The following ZFP30 variants were observed in gnomAD, a reference collection of about 807,000 sequenced individuals.
ZFP30 encodes the protein ZFP30 zinc finger protein, also known as zinc finger protein 30 homolog.
ZFP30 carries 16 observed loss-of-function variants against 12.3 expected under a neutral mutation model. The observed-to-expected ratio is 1.30, with a 90% CI of 0.88 to 1.98. The LOEUF is 1.98. Among genes scored for constraint, ZFP30 ranks in the 30% most tolerant of loss-of-function variants. ZFP30 has a pLI of 0.00. For missense variants in ZFP30, 560 were observed against 611.2 expected, an observed-to-expected ratio of 0.92 and a Z score of 0.88; for synonymous variants, 172 against 201.0, an observed-to-expected ratio of 0.86 and a Z score of 1.22.
rs1004890553 is a variant in ZFP30, at chr19:37,632,503, ATT to A, written c.*2476_*2477del. Reference sequence around the variant, plus strand: ...CACAAAAAAACCAAGTCTACTTTTTATTGTTTATGCCAGCGCTGACAATAGAA... The same window carrying A: ...CACAAAAAAACCAAGTCTACTTTTTAGTTTATGCCAGCGCTGACAATAGAA... On this transcript the variant is annotated 3_prime_UTR_variant, in exon 6 of 6. Transcript: ENST00000684514. The A allele has an allele frequency of 6.6e-6, 1 of 152,160 alleles. No individual in the cohort carries two copies. Among genetic ancestry groups the A allele is most frequent in the African/African-American group, 2.4e-5 (1 of 41,450 alleles). 9.4% of individuals were successfully genotyped at this position (152,160 alleles called of 1,614,324 possible).
intron 4 of ZFP30, among the ~76,000 whole-genome samples, chr19:37,643,591 T>C (rs2147272387): frequency 6.6e-6 from 1 of 152,318 alleles, no homozygotes; most frequent in East Asian, 1.9e-4. Context: ...CTGCCTCTCT[T>C]TCCCATGTCA....
chr19:37,650,151 G>A (rs1215399997), intron 2 of ZFP30, among the ~76,000 whole-genome samples: 2 of 148,350 alleles, frequency 1.3e-5, no homozygotes, highest in Admixed American at 1.3e-4. Flanking sequence ...GCAGGCTTTT[G>A]CTCTGTCGCT....
chr19:37,642,219 T>C (rs181119458), intron 5 of ZFP30, among the ~76,000 whole-genome samples: 251 of 152,348 alleles, frequency 1.6e-3, no homozygotes, highest in Middle Eastern at 6.8e-3. Flanking sequence ...ATCTACTACC[T>C]ATTCATATAA....
rs1042406261 is a variant in ZFP30, at chr19:37,632,370, T to C, written c.*2611A>G. ...AGCAACTTATAACTTTAAAAATCCA[T>C]AGCTGTCACTTTTATCATTCATATA... On this transcript the variant is annotated 3_prime_UTR_variant, in exon 6 of 6. Coordinates refer to ENST00000684514, the MANE Select transcript of ZFP30 (RefSeq NM_001320669.3). The C allele has an allele frequency of 5.3e-5, 8 of 152,118 alleles. No individual in the cohort carries two copies. The highest frequency in any genetic ancestry group is 1.4e-4 in the African/African-American group (6 of 41,440). 9.4% of individuals were successfully genotyped at this position (152,118 alleles called of 1,614,324 possible).
chr19:37,649,299 T>A (rs1354839222), intron 2 of ZFP30, among the ~76,000 whole-genome samples: 2 of 151,246 alleles, frequency 1.3e-5, no homozygotes, highest in Middle Eastern at 6.9e-3. Flanking sequence ...CCTATCAGCT[T>A]ATCAGTCAAA....
chr19:37,650,894 C>T (rs564667155), intron 2 of ZFP30, among the ~76,000 whole-genome samples: 10 of 152,118 alleles, frequency 6.6e-5, no homozygotes, highest in Admixed American at 2.0e-4. Context: ...CACACCACCA[C>T]GCCCAGCTAA....
chr19:37,640,781 G>C (rs1013409808), intron 5 of ZFP30, among the ~76,000 whole-genome samples: 2 of 151,676 alleles, frequency 1.3e-5, no homozygotes, highest in Non-Finnish European at 2.9e-5. Context: ...AATAAAATAG[G>C]GAGCAAATTA....
intron 2 of ZFP30, among the ~76,000 whole-genome samples, chr19:37,649,955 A>G (rs760937462): frequency 5.3e-5 from 8 of 152,176 alleles, no homozygotes; most frequent in Non-Finnish European, 1.0e-4. Flanking sequence ...GTTAGAAAAT[A>G]TGATTGTAAT....
chr19:37,647,663 T>C lies in ZFP30; in HGVS notation c.9+151A>G. Reference sequence around the variant, plus strand: ...GAGAAGACAGGGGCACTTAGGAATCTGGCTGGCTCCATCCCGTGCTGGAAT... The same window carrying C: ...GAGAAGACAGGGGCACTTAGGAATCCGGCTGGCTCCATCCCGTGCTGGAAT... On this transcript the variant is annotated intron_variant, in intron 3 of 5. Coordinates refer to ENST00000684514, the MANE Select transcript of ZFP30 (RefSeq NM_001320669.3). The C allele has an allele frequency of 4.6e-6, 4 of 864,056 alleles. No homozygotes were observed. The South Asian group carries it at 4.7e-5, about 10-fold the overall frequency. The allele number at this position is 864,056 out of a possible 1,614,324, so 53.5% of individuals were successfully genotyped here. A position where few individuals can be genotyped will look rare whatever the true frequency, so the allele number is the denominator to read the frequency against.
chr19:37,654,302 A>T (rs773439850), intron 2 of ZFP30, among the ~76,000 whole-genome samples: 14 of 152,190 alleles, frequency 9.2e-5, no homozygotes, highest in African/African-American at 2.9e-4. Context: ...CTCAAACCAC[A>T]TCTGGCTGGT....
intron 2 of ZFP30, among the ~76,000 whole-genome samples, chr19:37,654,040 GACTC>G (rs1370190955): frequency 6.6e-6 from 1 of 152,154 alleles, no homozygotes; most frequent in East Asian, 1.9e-4. Flanking sequence ...ATGAATTAAG[GACTC>G]ACTATGTGCC....
chr19:37,635,764 G>A lies in ZFP30; in HGVS notation c.777C>T (p.Leu259=). 1 of 1,614,008 alleles carries A rather than the reference G, an allele frequency of 6.2e-7. No individual in the cohort carries two copies. Among genetic ancestry groups the A allele is most frequent in the Non-Finnish European group, 8.5e-7 (1 of 1,180,006 alleles). Residue 259 remains leucine (L), a synonymous_variant, in exon 6 of 6, where the codon CTC becomes CTT. Transcript: ENST00000684514. ...KAFRVRGQLN[L]HQRIHTGEKP... is the part of the protein sequence containing the mutation. ...TCTCACCCGTGTGAATCCTTTGATGGAGATTAAGTTGTCCTCTAACTCTAA... is the reference window on the plus strand; with the variant it reads ...TCTCACCCGTGTGAATCCTTTGATGAAGATTAAGTTGTCCTCTAACTCTAA...
At chr19:37,643,655 G>A (rs529480111) in intron 4 of ZFP30, among the ~76,000 whole-genome samples, 1 of 152,270 alleles carries the variant, frequency 6.6e-6, no homozygotes, top group Non-Finnish European at 1.5e-5. Context: ...ACGTGAAAAA[G>A]GGATAACAGT....
Position 37,632,316 on chromosome 19 carries a change from TACAC to T in ZFP30, c.*2661_*2664del, listed in dbSNP as rs534332656. The T allele has an allele frequency of 9.3e-4, 142 of 152,180 alleles. 1 individual carries two copies. The highest frequency in any genetic ancestry group is 2.8e-3 in the African/African-American group (115 of 41,548). 9.4% of individuals were successfully genotyped at this position (152,180 alleles called of 1,614,324 possible). Reference sequence around the variant, plus strand: ...TATAAATATATATACCTACACACTATACACACACACATTACATATATGTAGTATA... The same window carrying T: ...TATAAATATATATACCTACACACTATACACACATTACATATATGTAGTATA... On this transcript the variant is annotated 3_prime_UTR_variant, in exon 6 of 6. Coordinates refer to ENST00000684514, the MANE Select transcript of ZFP30 (RefSeq NM_001320669.3).
Position 37,643,268 on chromosome 19 carries a change from G to C in ZFP30, c.232C>G (p.Leu78Val), listed in dbSNP as rs1435487112. The C allele has an allele frequency of 3.1e-6, 5 of 1,610,952 alleles. No homozygotes were observed. Among genetic ancestry groups the C allele is most frequent in the Non-Finnish European group, 4.2e-6 (5 of 1,178,868 alleles). The change falls in exon 5 of 6, where the codon CTA becomes GTA. Residue 78 changes from leucine (L) to valine (V), a missense_variant. Transcript: ENST00000684514. ...CCTCTGCCTGATCAGCACTTACCTAGAGTCCATCTTCTTTTCTCATCCCTC... is the reference window on the plus strand; with the variant it reads ...CCTCTGCCTGATCAGCACTTACCTACAGTCCATCTTCTTTTCTCATCCCTC... The part of the protein sequence containing the change: ...VVRDEKRRWT[L>V]DLESRYDTKK...
chr19:37,648,703 C>T (rs1004767860), intron 2 of ZFP30, among the ~76,000 whole-genome samples: 5 of 152,158 alleles, frequency 3.3e-5, no homozygotes, highest in African/African-American at 1.2e-4. Flanking sequence ...AGATGCCACA[C>T]TTTGAGAACC....
intron 3 of ZFP30, 107 bp downstream of exon 3, chr19:37,647,707 G>T: frequency 1.4e-6 from 2 of 1,396,076 alleles, no homozygotes; most frequent in Non-Finnish European, 2.0e-6. Context: ...CTGGGGAGAA[G>T]CTGTTGAATG....
intron 1 of ZFP30, chr19:37,655,099 C>T (rs1227593030): frequency 6.6e-6 from 1 of 152,376 alleles, no homozygotes; most frequent in Non-Finnish European, 1.5e-5. Context: ...GGGGCGTTCA[C>T]CTCTGACTTC....
Position 37,647,073 on chromosome 19 carries a change from T to C in ZFP30, c.9+741A>G, listed in dbSNP as rs563590735. On this transcript the variant is annotated intron_variant, in intron 3 of 5. Coordinates refer to ENST00000684514, the MANE Select transcript of ZFP30 (RefSeq NM_001320669.3). ...GCATACTAGTCTACACTTTTAAAAT[T>C]TGACTACTAGAAAATTTTAAATTAT... 1.8e-4 allele frequency among the ~76,000 whole-genome samples: 27 copies of C among 152,220 alleles called. No homozygotes were observed. The East Asian group carries it at 3.1e-3, about 17-fold the overall frequency.
Sources: allele counts gnomAD v4.1 joint callset (sites outside exome capture counted in the v4.1 genomes callset), GRCh38; gene constraint gnomAD v4.1.1; transcripts MANE v1.5; gene names NCBI Gene and HGNC (gene_info 2026-07-23, HGNC 2026-07-21).